Variants in TIAM1 observed in about 807,000 individuals in gnomAD.
TIAM1 encodes rho guanine nucleotide exchange factor TIAM1.
A neutral mutation model predicts 163.5 loss-of-function variants in TIAM1; 65 were observed. That is an observed-to-expected ratio of 0.40 (90% CI 0.33 to 0.49). The LOEUF is 0.49. TIAM1 is among the 20% of genes least tolerant of loss of function. The pLI is 0.77. For synonymous variants in TIAM1, 833 were observed against 810.1 expected (o/e 1.03, Z -0.48); for missense variants, 1,789 against 2,044.7 (o/e 0.87, Z 2.41).
At chr21:31,524,382 C>T (rs1399417600) in intron 1 of TIAM1, among the ~76,000 whole-genome samples, 1 of 152,106 alleles carries the variant, frequency 6.6e-6, no homozygotes, top group Non-Finnish European at 1.5e-5. Flanking sequence ...ATGGCAAGAA[C>T]TGCACCAAGC....
intron 2 of TIAM1, among the ~76,000 whole-genome samples, chr21:31,436,734 G>C (rs560740571): frequency 1.4e-3 from 208 of 152,192 alleles, no homozygotes; most frequent in South Asian, 3.5e-3. Context: ...AATGCAGGCA[G>C]ATCGTCTGAG....
At chr21:31,320,205 G>A (rs918814418) in intron 2 of TIAM1, among the ~76,000 whole-genome samples, 4 of 152,014 alleles carry the variant, frequency 2.6e-5, no homozygotes, top group African/African-American at 9.7e-5. Context: ...TTAAAAACAC[G>A]ATGCTAAGTA....
intron 2 of TIAM1, among the ~76,000 whole-genome samples, chr21:31,447,275 A>C (rs28648802): frequency 6.6e-6 from 1 of 152,058 alleles, no homozygotes; most frequent in Non-Finnish European, 1.5e-5. Flanking sequence ...CTGGGAAAAA[A>C]ATTTTTTTTT....
intron 2 of TIAM1, among the ~76,000 whole-genome samples, chr21:31,332,239 G>A (rs1441489646): frequency 2.0e-5 from 3 of 152,194 alleles, no homozygotes; most frequent in Admixed American, 6.5e-5. Flanking sequence ...CACGGCATCT[G>A]AGACTGAAAG....
At chr21:31,135,742 C>G (rs1225160466) in intron 23 of TIAM1, among the ~76,000 whole-genome samples, 191 bp downstream of exon 23, 1 of 152,272 alleles carries the variant, frequency 6.6e-6, no homozygotes, top group East Asian at 1.9e-4. Context: ...GCTGAGTGAC[C>G]ACATAGGGCA....
At chr21:31,359,117 C>T (rs958162287) in intron 2 of TIAM1, among the ~76,000 whole-genome samples, 2 of 152,120 alleles carry the variant, frequency 1.3e-5, no homozygotes, top group Non-Finnish European at 2.9e-5. Context: ...CCCTAATCTA[C>T]CCCGCTTACC....
intron 4 of TIAM1, among the ~76,000 whole-genome samples, chr21:31,256,628 C>CACACACACAT (rs60297294): frequency 2.0e-5 from 3 of 146,890 alleles, no homozygotes; most frequent in Non-Finnish European, 4.4e-5. Context: ...CACACACACA[C>CACACACACAT]GTATATTATC....
intron 2 of TIAM1, among the ~76,000 whole-genome samples, chr21:31,404,288 C>T (rs1367027762): frequency 6.6e-6 from 1 of 152,022 alleles, no homozygotes; most frequent in Non-Finnish European, 1.5e-5. Flanking sequence ...TGAAAATAAC[C>T]AAATTGCTTG....
chr21:31,483,425 T>C (rs1247299971), intron 1 of TIAM1, among the ~76,000 whole-genome samples: 1 of 152,166 alleles, frequency 6.6e-6, no homozygotes, highest in Non-Finnish European at 1.5e-5. Flanking sequence ...AGGCTGAGAA[T>C]TGCTCCTTCT....
intron 4 of TIAM1, among the ~76,000 whole-genome samples, chr21:31,253,487 C>T (rs923759892): frequency 6.6e-6 from 1 of 152,176 alleles, no homozygotes; most frequent in Non-Finnish European, 1.5e-5. Flanking sequence ...ACACTGTGCC[C>T]ATATCTCCAC....
chr21:31,179,497 C>T (rs2084915613), intron 15 of TIAM1, among the ~76,000 whole-genome samples: 1 of 150,216 alleles, frequency 6.7e-6, no homozygotes, highest in Admixed American at 6.7e-5. Context: ...ATGCCTGGCA[C>T]ATAGTAAATA....
intron 11 of TIAM1, among the ~76,000 whole-genome samples, chr21:31,206,970 T>A (rs768098604): frequency 1.6e-4 from 24 of 146,290 alleles, no homozygotes; most frequent in Non-Finnish European, 2.1e-4. Context: ...TATTGTAGAA[T>A]TTCTAAAGAT....
intron 23 of TIAM1, among the ~76,000 whole-genome samples, chr21:31,134,979 A>T (rs2082562098): frequency 6.6e-6 from 1 of 152,142 alleles, no homozygotes; most frequent in African/African-American, 2.4e-5. Flanking sequence ...CCATTTGGGG[A>T]TACTTTGTTC....
At chr21:31,211,795 G>A (rs958126726) in intron 10 of TIAM1, among the ~76,000 whole-genome samples, 4 of 152,166 alleles carry the variant, frequency 2.6e-5, no homozygotes, top group African/African-American at 9.7e-5. Context: ...CTTAGCACTG[G>A]ATCAACCCAA....
intron 15 of TIAM1, among the ~76,000 whole-genome samples, chr21:31,174,060 T>C (rs777603420): frequency 2.0e-5 from 3 of 152,194 alleles, no homozygotes; most frequent in Admixed American, 6.5e-5. Context: ...CTGCCGGGTA[T>C]CTGTGAGACT....
intron 2 of TIAM1, among the ~76,000 whole-genome samples, chr21:31,305,468 G>A (rs1011016332): frequency 6.6e-6 from 1 of 150,898 alleles, no homozygotes; most frequent in Admixed American, 6.6e-5. Flanking sequence ...TTCTTTACAG[G>A]ACCTTGGATG....
rs1569031905 is a variant in TIAM1, at chr21:31,210,633, GAAA to G, written c.2218-421_2218-419del. 5.0e-3 allele frequency among the ~76,000 whole-genome samples: 198 copies of G among 39,486 alleles called. 11 individuals are homozygous for G. Among genetic ancestry groups the G allele is most frequent in the African/African-American group, 0.013 (82 of 6,368 alleles). 25.9% of individuals were successfully genotyped at this position (39,486 alleles called of 152,430 possible). A position where few individuals can be genotyped will look rare whatever the true frequency, so the allele number is the denominator to read the frequency against. On this transcript the variant is annotated intron_variant, in intron 10 of 27. Transcript: ENST00000541036. ...AGGAAGGGAGAAAGAAAGAAAGAAA[GAAA>G]GAAAGAAAGAAAGAAAGAAAGAAAG...
chr21:31,235,700 T>C (rs937558342), intron 6 of TIAM1, among the ~76,000 whole-genome samples: 2 of 152,242 alleles, frequency 1.3e-5, no homozygotes, highest in African/African-American at 4.8e-5. Context: ...TATGCTGATA[T>C]TGATTTAATA....
intron 2 of TIAM1, among the ~76,000 whole-genome samples, chr21:31,334,579 C>T (rs538592124): frequency 6.0e-4 from 91 of 152,302 alleles, no homozygotes; most frequent in Non-Finnish European, 1.0e-3. Context: ...CCCTCACCTG[C>T]GCCTCCAGTA....
Sources: gnomAD v4.1 joint callset for allele counts (sites outside exome capture counted in the v4.1 genomes callset) on GRCh38, gnomAD v4.1.1 for gene constraint, MANE v1.5 for transcripts, NCBI Gene and HGNC (gene_info 2026-07-23, HGNC 2026-07-21) for gene names.